The following PHC2 variants were observed in gnomAD, a reference collection of about 807,000 sequenced individuals.
The protein encoded by PHC2 is polyhomeotic homolog 2, also known as polyhomeotic-like protein 2.
In PHC2, 29 loss-of-function variants were observed where a neutral mutation model predicts 87.4. The observed-to-expected ratio is 0.33, with a 90% CI of 0.25 to 0.45. The LOEUF is 0.45. Ranked by LOEUF, PHC2 falls within the 20% of genes least tolerant of loss-of-function variation. The probability of loss-of-function intolerance (pLI) is 1.00; values close to 1 mark genes in which losing one functional copy is unlikely to be tolerated. For synonymous variants in PHC2, 438 were observed against 461.7 expected (o/e 0.95, Z 0.66); for missense variants, 857 against 1,136.7 (o/e 0.75, Z 3.54).
rs895718138 is a variant in PHC2 at position 33,420,244 on chromosome 1, T to C, written c.-55+10732A>G. Among the ~76,000 whole-genome samples the C allele has an allele frequency of 2.6e-5, 4 of 152,226 alleles. No homozygotes were observed. In the East Asian group the frequency reaches 5.8e-4, roughly 22 times the overall value. ...GAGATAGGTCCCCAAACTGTAAGCATTGTATCTACAATGAACTATAACACC... is the reference window on the plus strand; with the variant it reads ...GAGATAGGTCCCCAAACTGTAAGCACTGTATCTACAATGAACTATAACACC... On this transcript the variant is annotated intron_variant, in intron 1 of 14. Coordinates refer to ENST00000683057, the MANE Select transcript of PHC2 (RefSeq NM_001385109.1).
chr1:33,331,280 C>G lies in PHC2; in HGVS notation c.2006+68G>C. On this transcript the variant is annotated intron_variant, in intron 12 of 14. Transcript: ENST00000683057. This position sits in a 1 kb window ranked among gnomAD's most constrained non-coding sequence, Gnocchi z 5.2. ...ACCCCTATGGACCTCCTGGGGTAGA[C>G]TATTAATGGCAGGAGGTGGGACATA... 2.4e-6 allele frequency: 2 copies of G among 847,032 alleles called. No homozygotes were observed. Among genetic ancestry groups the G allele is most frequent in the Non-Finnish European group, 3.9e-6 (2 of 513,164 alleles). The allele number at this position is 847,032 out of a possible 1,614,324, so 52.5% of individuals were successfully genotyped here.
At chr1:33,428,267 G>C (rs990104101) in intron 1 of PHC2, among the ~76,000 whole-genome samples, 12 of 152,230 alleles carry the variant, frequency 7.9e-5, no homozygotes, top group Middle Eastern at 3.4e-3. Context: ...CACAAATACA[G>C]GATAGTATTT....
intron 14 of PHC2, 130 bp from the exon 15 acceptor site, chr1:33,325,149 TGAGG>T: frequency 4.4e-6 from 4 of 909,058 alleles, no homozygotes; most frequent in Non-Finnish European, 6.4e-6. Flanking sequence ...AACCACGCCT[TGAGG>T]AAGGCGCTGC....
chr1:33,356,276 T>TATATATATATATATATACAC (rs1557831073), intron 7 of PHC2, among the ~76,000 whole-genome samples: 2 of 59,470 alleles, frequency 3.4e-5, no homozygotes, highest in Non-Finnish European at 6.2e-5. Context: ...TATATATATA[T>TATATATATATATATATACAC]GTATATATAT....
chr1:33,335,907 GA>G (rs1454279777), intron 9 of PHC2, among the ~76,000 whole-genome samples: 11 of 142,232 alleles, frequency 7.7e-5, no homozygotes, highest in Admixed American at 6.9e-4. Context: ...CTTGGGGGGG[GA>G]GGGGGGGAAA....
intron 1 of PHC2, among the ~76,000 whole-genome samples, chr1:33,381,448 T>A (rs1288131314): frequency 1.3e-5 from 2 of 152,142 alleles, no homozygotes; most frequent in African/African-American, 4.8e-5. Flanking sequence ...ATCAATGGTG[T>A]CTATACTAAT....
intron 1 of PHC2, among the ~76,000 whole-genome samples, chr1:33,411,455 TG>T (rs1164633122): frequency 5.3e-5 from 8 of 151,982 alleles, no homozygotes; most frequent in South Asian, 2.1e-4. Context: ...TGTTTTTTGT[TG>T]TTGTTGTTGT....
intron 1 of PHC2, among the ~76,000 whole-genome samples, chr1:33,428,522 T>C (rs1382575882): frequency 1.3e-5 from 2 of 152,208 alleles, no homozygotes; most frequent in Non-Finnish European, 2.9e-5. Context: ...CTTTATCTGA[T>C]TCAAATATTA....
chr1:33,333,594 T>C, intron 10 of PHC2: 1 of 167,912 alleles, frequency 6.0e-6, no homozygotes, highest in Non-Finnish European at 1.3e-5. Context: ...CTTTCAAGGC[T>C]CTGTCCCCAG....
chr1:33,414,052 C>T (rs990370403), intron 1 of PHC2, among the ~76,000 whole-genome samples: 1 of 152,096 alleles, frequency 6.6e-6, no homozygotes, highest in South Asian at 2.1e-4. Flanking sequence ...CATTAAATCC[C>T]TTAAATGTAT....
chr1:33,383,499 A>C (rs1648589359), intron 1 of PHC2, among the ~76,000 whole-genome samples: 1 of 152,202 alleles, frequency 6.6e-6, no homozygotes, highest in Non-Finnish European at 1.5e-5. Flanking sequence ...TTTTCTTCCT[A>C]ATTTATAAAA....
rs1005965573 is a variant in PHC2, at chr1:33,355,164, G to A, written c.1066C>T (p.Pro356Ser). The change falls in exon 8 of 15, where the codon CCA becomes TCA. Residue 356 changes from proline to serine, a missense_variant. Around this residue, in one of 3 missense-constraint regions of PHC2, gnomAD observed 832 missense variants for 1,081.8 expected, o/e 0.77. Transcript: ENST00000683057. Reference protein sequence around the residue: ...PQFVIQQQPQPQQQQPPPQQS... With the variant: ...PQFVIQQQPQSQQQQPPPQQS... ...TGGGGCGGCGGCTGCTGCTGTTGTG[G>A]CTGTGGCTGCTGCTGGATCACAAAT... 6.2e-7 allele frequency: 1 copy of A among 1,607,092 alleles called. No homozygotes were observed. The highest frequency in any genetic ancestry group is 1.3e-5 in the African/African-American group (1 of 74,846).
chr1:33,366,232 C>T (rs1436068040), intron 7 of PHC2, among the ~76,000 whole-genome samples: 2 of 152,186 alleles, frequency 1.3e-5, no homozygotes, highest in Non-Finnish European at 2.9e-5. Context: ...ATCAGCGTGA[C>T]CCTCTCTTTA....
intron 1 of PHC2, among the ~76,000 whole-genome samples, chr1:33,379,158 G>T (rs1648329798): frequency 6.6e-6 from 1 of 151,734 alleles, no homozygotes; most frequent in Non-Finnish European, 1.5e-5. Flanking sequence ...ATGCAGGGGA[G>T]AGAGACTTAC....
intron 14 of PHC2, 22 bp from the exon 15 acceptor site, chr1:33,325,041 C>G: frequency 6.3e-7 from 1 of 1,588,650 alleles, no homozygotes; most frequent in South Asian, 1.1e-5. Context: ...CCACCAAAGA[C>G]AGTGTCAATC....
intron 9 of PHC2, among the ~76,000 whole-genome samples, chr1:33,351,442 T>C (rs1053747766): frequency 6.6e-6 from 1 of 152,242 alleles, no homozygotes; most frequent in Non-Finnish European, 1.5e-5. Flanking sequence ...TGAACATCTC[T>C]AGTTGGCAGT....
intron 1 of PHC2, among the ~76,000 whole-genome samples, chr1:33,391,900 A>G (rs146320816): frequency 6.6e-6 from 1 of 152,304 alleles, no homozygotes; most frequent in African/African-American, 2.4e-5. Flanking sequence ...CCAATGAAGT[A>G]TGCTGTATTG....
intron 3 of PHC2, 119 bp downstream of exon 3, chr1:33,372,170 T>G: frequency 2.0e-6 from 2 of 1,013,264 alleles, no homozygotes; most frequent in South Asian, 3.7e-5. Flanking sequence ...CACAAGGACT[T>G]CTTTAGGTTG....
chr1:33,333,901 A>AC lies in PHC2; in HGVS notation c.1761+188dup. 4 of 586,702 alleles carry AC rather than the reference A, an allele frequency of 6.8e-6. No homozygotes were observed. In the South Asian group the frequency reaches 8.7e-5, roughly 13 times the overall value. 36.3% of individuals were successfully genotyped at this position (586,702 alleles called of 1,614,324 possible). A position where few individuals can be genotyped will look rare whatever the true frequency, so the allele number is the denominator to read the frequency against. The stretch of plus-strand genomic sequence containing the variant: ...TCTTGTCAATTATTCCTGATCACTG[A>AC]CCCCCCTCTTCTGGACCTTGGAAAG... On this transcript the variant is annotated intron_variant, in intron 10 of 14. Transcript: ENST00000683057.
Sources: gnomAD v4.1 joint callset for allele counts (sites outside exome capture counted in the v4.1 genomes callset) on GRCh38, gnomAD v4.1.1 for gene constraint, gnomAD v4.1.1 regional missense constraint, Gnocchi (gnomAD v3.1) non-coding constraint, MANE v1.5 for transcripts, NCBI Gene and HGNC (gene_info 2026-07-23, HGNC 2026-07-21) for gene names.